The following MTRR variants were observed in gnomAD, a reference collection of about 807,000 sequenced individuals.
MTRR encodes the protein methionine synthase reductase.
Under a neutral mutation model 79.2 loss-of-function variants are expected in MTRR, and 63 were observed. That is an observed-to-expected ratio of 0.80 (90% CI 0.65 to 0.98). The LOEUF is 0.98. Ranked by LOEUF, MTRR falls within the 50% of genes least tolerant of loss-of-function variation. The pLI, the probability that MTRR is intolerant of heterozygous loss-of-function variation, is 0.00. For synonymous variants in MTRR, 355 were observed against 313.3 expected, an observed-to-expected ratio of 1.13 and a Z score of -1.41; for missense variants, 895 against 839.6, an observed-to-expected ratio of 1.07 and a Z score of -0.82.
chr5:7,854,213 A>G (rs868502286), intron 1 of MTRR, among the ~76,000 whole-genome samples: 8 of 152,122 alleles, frequency 5.3e-5, no homozygotes, highest in Admixed American at 1.3e-4. Flanking sequence ...GGATGAAAGA[A>G]GCATAAAAAC....
At chr5:7,895,631 A>G (rs1449904913) in intron 11 of MTRR, 103 bp from the exon 12 acceptor site, 1 of 1,442,398 alleles carries the variant, frequency 6.9e-7, no homozygotes, top group Non-Finnish European at 9.7e-7. Flanking sequence ...TGTTTCTTTG[A>G]TGGGAATTTT....
chr5:7,855,633 A>G (rs1200582160), intron 1 of MTRR, among the ~76,000 whole-genome samples: 1 of 152,150 alleles, frequency 6.6e-6, no homozygotes, highest in Non-Finnish European at 1.5e-5. Context: ...TGGGAATACA[A>G]CATGAGCCAC....
chr5:7,870,196 A>G (rs1718443681), intron 1 of MTRR: 1 of 457,434 alleles, frequency 2.2e-6, no homozygotes. Context: ...TTTGATTTGC[A>G]TTAAATAATG....
At chr5:7,882,762 G>C (rs1391771275) in intron 5 of MTRR, among the ~76,000 whole-genome samples, 1 of 151,208 alleles carries the variant, frequency 6.6e-6, no homozygotes, top group East Asian at 2.0e-4. Context: ...CCACACTAGG[G>C]GGTTCCTGTG....
At chr5:7,871,343 C>G (rs1348247471) in intron 2 of MTRR, among the ~76,000 whole-genome samples, 1 of 152,136 alleles carries the variant, frequency 6.6e-6, no homozygotes, top group Non-Finnish European at 1.5e-5. Context: ...CGCCTAGATT[C>G]TTTTGTGAAA....
intron 1 of MTRR, among the ~76,000 whole-genome samples, chr5:7,855,567 G>A (rs996547915): frequency 5.9e-5 from 9 of 152,006 alleles, no homozygotes; most frequent in African/African-American, 2.2e-4. Context: ...GAGAGCAGTG[G>A]CGTGATCATA....
upstream of MTRR, chr5:7,865,752 T>A: frequency 1.6e-6 from 1 of 606,996 alleles, no homozygotes; most frequent in East Asian, 2.5e-5. Flanking sequence ...GGTCCATTTA[T>A]CAAAGAAAAG....
intron 5 of MTRR, among the ~76,000 whole-genome samples, chr5:7,882,541 GGAAT>G (rs1301478048): frequency 2.0e-5 from 3 of 152,138 alleles, no homozygotes; most frequent in Non-Finnish European, 2.9e-5. Flanking sequence ...TTTAAACTTA[GGAAT>G]ATAGAAAAGG....
At position 7,895,727 on chromosome 5, in the gene MTRR, A is replaced by G. The variant is rs1479364722; in HGVS notation, c.1558-7A>G. On this transcript the variant is annotated splice_region_variant and splice_polypyrimidine_tract_variant and intron_variant, in intron 11 of 14. Coordinates refer to ENST00000440940, the MANE Select transcript of MTRR (RefSeq NM_002454.3). ...TCATACTTACCACATTTGATGTAAT[A>G]TTTCAGATATCCATCTCTCCTCGAA... 3 of 1,613,752 alleles carry G rather than the reference A, an allele frequency of 1.9e-6. No individual in the cohort carries two copies. The highest frequency in any genetic ancestry group is 2.2e-5 in the South Asian group (2 of 91,084).
chr5:7,868,787 CAG>C (rs1204330971), upstream of MTRR, among the ~76,000 whole-genome samples: 1 of 152,212 alleles, frequency 6.6e-6, no homozygotes, highest in Non-Finnish European at 1.5e-5. Context: ...GTGTGCAAGA[CAG>C]ACAGACGGGA....
upstream of MTRR, chr5:7,869,104 G>A: frequency 6.2e-7 from 1 of 1,612,644 alleles, no homozygotes; most frequent in Non-Finnish European, 8.5e-7. Flanking sequence ...GGTCCCCTTC[G>A]GAGCTTTCTA....
At chr5:7,852,029 G>A (rs1478376387) in intron 1 of MTRR, among the ~76,000 whole-genome samples, 2 of 152,212 alleles carry the variant, frequency 1.3e-5, no homozygotes, top group African/African-American at 4.8e-5. Flanking sequence ...TCCCTTCCAA[G>A]CCAACTTGGT....
chr5:7,857,624 C>G (rs189411231), intron 1 of MTRR, among the ~76,000 whole-genome samples: 108 of 152,336 alleles, frequency 7.1e-4, no homozygotes, highest in Non-Finnish European at 1.3e-3. Context: ...CATGAGGTCT[C>G]TGTGTTCCCA....
upstream of MTRR, chr5:7,869,146 T>G (rs768458000): frequency 2.5e-6 from 4 of 1,613,326 alleles, no homozygotes; most frequent in South Asian, 1.1e-5. Flanking sequence ...GGGCGCTGCG[T>G]CAGTGCGCGC....
chr5:7,888,286 A>G (rs578115011), intron 8 of MTRR, among the ~76,000 whole-genome samples: 1 of 152,280 alleles, frequency 6.6e-6, no homozygotes, highest in East Asian at 1.9e-4. Flanking sequence ...ACAGTGCAGT[A>G]TTTCCTGTTG....
upstream of MTRR, chr5:7,851,147 G>T: frequency 8.6e-7 from 1 of 1,160,274 alleles, no homozygotes; most frequent in Non-Finnish European, 1.1e-6. Context: ...TTCGGTCGTT[G>T]CCTGGAAACC....
chr5:7,869,155 G>T lies in MTRR; in HGVS notation c.-86G>T. 6.2e-7 allele frequency: 1 copy of T among 1,613,002 alleles called. No homozygotes were observed. On this transcript the variant is annotated 5_prime_UTR_variant, in exon 1 of 15. Transcript: ENST00000440940. The stretch of plus-strand genomic sequence containing the variant: ...GAGCATGGGCGCTGCGTCAGTGCGC[G>T]CTGGCGCAAGGTTGGTGGAAGTCGC...
chr5:7,880,985 C>G (rs141429287), intron 5 of MTRR, among the ~76,000 whole-genome samples: 352 of 152,280 alleles, frequency 2.3e-3, no homozygotes, highest in African/African-American at 8.1e-3. Flanking sequence ...AGTACAGTTT[C>G]TATAGTGTCT....
chr5:7,870,367 A>C lies in MTRR; in HGVS notation c.-25-403A>C. On this transcript the variant is annotated intron_variant, in intron 1 of 14. Transcript: ENST00000440940. ...GCTATTTAAGACTGTTGTGAATGAT[A>C]CTGTGGCTCAAGTTTTGTTCAGGTT... The C allele has an allele frequency of 2.6e-5, 7 of 273,770 alleles. No individual in the cohort carries two copies. In the South Asian group the frequency reaches 2.9e-4, roughly 11 times the overall value. 17.0% of individuals were successfully genotyped at this position (273,770 alleles called of 1,614,324 possible).
Sources: gnomAD v4.1 joint callset for allele counts (sites outside exome capture counted in the v4.1 genomes callset) on GRCh38, gnomAD v4.1.1 for gene constraint, MANE v1.5 for transcripts, NCBI Gene and HGNC (gene_info 2026-07-23, HGNC 2026-07-21) for gene names.